The following FLNB variants were observed in gnomAD, a reference collection of about 807,000 sequenced individuals.
FLNB encodes filamin-B.
A neutral mutation model predicts 250.6 loss-of-function variants in FLNB; 111 were observed. The ratio of observed to expected loss-of-function variants is 0.44; its 90% CI spans 0.38 to 0.52. The LOEUF (loss-of-function observed/expected upper bound fraction) is 0.52, where lower values mean the gene tolerates loss of function less well. Ranked by LOEUF, FLNB falls within the 20% of genes least tolerant of loss-of-function variation. The pLI is 0.00. For synonymous variants in FLNB, 1,302 were observed against 1,372.1 expected (o/e 0.95, Z 1.13); for missense variants, 2,869 against 3,447.8 (o/e 0.83, Z 4.20).
At chr3:58,153,134 G>GTTT (rs2097347969) in intron 38 of FLNB, among the ~76,000 whole-genome samples, 1 of 152,212 alleles carries the variant, frequency 6.6e-6, no homozygotes, top group East Asian at 1.9e-4. Context: ...CATGATGGAT[G>GTTT]ACCACGTCAC....
intron 2 of FLNB, chr3:58,078,304 TA>T: frequency 6.9e-7 from 1 of 1,438,996 alleles, no homozygotes; most frequent in Non-Finnish European, 9.1e-7. Context: ...AAGATAATTC[TA>T]GGTTTGTGCC....
intron 42 of FLNB, 82 bp downstream of exon 42, chr3:58,159,768 G>C (rs981270055): frequency 4.1e-6 from 6 of 1,477,056 alleles, no homozygotes; most frequent in Non-Finnish European, 5.6e-6. Context: ...CCAAGGGAGG[G>C]CTGATCAGTT....
At chr3:58,150,406 T>A (rs568123772) in intron 38 of FLNB, 179 bp downstream of exon 38, 47 of 713,384 alleles carry the variant, frequency 6.6e-5, no homozygotes, top group African/African-American at 6.4e-4. Flanking sequence ...CAGAGTCTCA[T>A]CCAAGAAAAA....
intron 1 of FLNB, among the ~76,000 whole-genome samples, chr3:58,066,289 G>A (rs1410456862): frequency 6.8e-6 from 1 of 146,920 alleles, no homozygotes; most frequent in Non-Finnish European, 1.5e-5. Context: ...GCGAAATCTC[G>A]GCTCACCACA....
At chr3:58,019,310 C>T (rs2097110360) in intron 1 of FLNB, among the ~76,000 whole-genome samples, 1 of 152,216 alleles carries the variant, frequency 6.6e-6, no homozygotes, top group Admixed American at 6.5e-5. Context: ...GCCCCACTCC[C>T]TGTCTGTCCC....
chr3:58,038,748 T>C (rs2097141734), intron 1 of FLNB, among the ~76,000 whole-genome samples: 1 of 152,130 alleles, frequency 6.6e-6, no homozygotes, highest in Non-Finnish European at 1.5e-5. Context: ...GTTCTGCCCA[T>C]GCACCTCCTT....
At position 58,121,320 on chromosome 3, in the gene FLNB, C is replaced by A; in HGVS notation, c.2943C>A (p.Ile981=). 1 of 1,614,176 alleles carries A rather than the reference C, an allele frequency of 6.2e-7. No homozygotes were observed. The highest frequency in any genetic ancestry group is 8.5e-7 in the Non-Finnish European group (1 of 1,180,032). Residue 981 remains isoleucine, a synonymous_variant, in exon 20 of 46, where the codon ATC becomes ATA. Transcript: ENST00000295956. ...AGGQGKLDVT[I]LSPSRKVVPC... ...GCCAGGGGAAGCTGGACGTGACAATCCTCAGCCCCTCTCGGAAGGTCGTGC... is the reference window on the plus strand; with the variant it reads ...GCCAGGGGAAGCTGGACGTGACAATACTCAGCCCCTCTCGGAAGGTCGTGC...
At chr3:58,082,760 G>A (rs1024644922) in intron 4 of FLNB, among the ~76,000 whole-genome samples, 12 of 139,400 alleles carry the variant, frequency 8.6e-5, no homozygotes, top group African/African-American at 3.1e-4. Flanking sequence ...GACAGAGTGC[G>A]TGAGCCTCCG....
chr3:58,049,863 G>A (rs1476106029), intron 1 of FLNB, among the ~76,000 whole-genome samples: 1 of 152,142 alleles, frequency 6.6e-6, no homozygotes, highest in Non-Finnish European at 1.5e-5. Flanking sequence ...GGTAGTGTGA[G>A]AAAACGTGTA....
Position 58,148,346 on chromosome 3 carries a change from C to T in FLNB, c.5869C>T (p.Leu1957=). The part of the protein sequence containing the change: ...GRDEPCLLKR[L]PNNHIGISFI... ...AGACGAGCCCTGTCTCCTGAAGAGG[C>T]TGCCCAACAACCACATTGGTGAGCT... Residue 1957 remains leucine (L), a synonymous_variant, in exon 35 of 46, where the codon CTG becomes TTG. Coordinates refer to ENST00000295956, the MANE Select transcript of FLNB (RefSeq NM_001457.4). The T allele has an allele frequency of 4.3e-6, 7 of 1,613,806 alleles. No individual in the cohort carries two copies. Among genetic ancestry groups the T allele is most frequent in the Non-Finnish European group, 5.9e-6 (7 of 1,179,922 alleles).
chr3:58,166,295 T>C (rs372186620), intron 43 of FLNB, among the ~76,000 whole-genome samples: 108 of 152,290 alleles, frequency 7.1e-4, no homozygotes, highest in South Asian at 4.6e-3. Context: ...GGTCAAAATA[T>C]TGCATTAGGG....
Position 58,053,621 on chromosome 3 carries a change from C to T in FLNB, c.293-23425C>T, listed in dbSNP as rs370893922. On this transcript the variant is annotated intron_variant, in intron 1 of 45. Coordinates refer to ENST00000295956, the MANE Select transcript of FLNB (RefSeq NM_001457.4). ...GACTACAGACACCCACTACCATGCCCGGCTAATTTTTTTTTTATTTTTAGT... is the reference window on the plus strand; with the variant it reads ...GACTACAGACACCCACTACCATGCCTGGCTAATTTTTTTTTTATTTTTAGT... Among the ~76,000 whole-genome samples the T allele has an allele frequency of 8.6e-5, 13 of 152,014 alleles. No individual in the cohort carries two copies. The East Asian group carries it at 1.3e-3, about 16-fold the overall frequency.
chr3:58,065,010 AG>A (rs2097183557), intron 1 of FLNB, among the ~76,000 whole-genome samples: 1 of 152,144 alleles, frequency 6.6e-6, no homozygotes, highest in Non-Finnish European at 1.5e-5. Flanking sequence ...ACTGCACTCC[AG>A]CTTGGGTGAC....
At chr3:58,067,130 T>G (rs1051891173) in intron 1 of FLNB, among the ~76,000 whole-genome samples, 2 of 152,090 alleles carry the variant, frequency 1.3e-5, no homozygotes, top group African/African-American at 4.8e-5. Context: ...ATTGCTAATC[T>G]TCACTGCCTC....
chr3:58,067,137 C>G (rs2097186741), intron 1 of FLNB, among the ~76,000 whole-genome samples: 1 of 152,150 alleles, frequency 6.6e-6, no homozygotes, highest in Admixed American at 6.5e-5. Context: ...ATCTTCACTG[C>G]CTCCATTCTC....
chr3:58,123,900 CCT>C (rs767486712), intron 21 of FLNB, among the ~76,000 whole-genome samples: 3 of 152,048 alleles, frequency 2.0e-5, no homozygotes, highest in East Asian at 1.9e-4. Context: ...CTACTCAACC[CCT>C]GTTTTCTGTT....
At chr3:58,046,934 A>C (rs1424578431) in intron 1 of FLNB, among the ~76,000 whole-genome samples, 2 of 152,210 alleles carry the variant, frequency 1.3e-5, no homozygotes, top group Non-Finnish European at 2.9e-5. Context: ...AATGTTTTCA[A>C]GGTTCAGCCA....
intron 11 of FLNB, 28 bp downstream of exon 11, chr3:58,105,244 T>G: frequency 6.2e-7 from 1 of 1,614,016 alleles, no homozygotes; most frequent in Middle Eastern, 1.7e-4. Flanking sequence ...ACCAGCATCT[T>G]CTGGAGGACT....
At position 58,090,854 on chromosome 3, in the gene FLNB, G is replaced by A. The variant is rs1045055090; in HGVS notation, c.788-3982G>A. 4.6e-5 allele frequency among the ~76,000 whole-genome samples: 7 copies of A among 152,120 alleles called. 1 individual carries two copies. The highest frequency in any genetic ancestry group is 4.2e-4 in the South Asian group (2 of 4,782). ...TGGGAGGCCGAGGTGGGCGATGGGC[G>A]GATCATGAGGTCAGGAGATCAAGAC... On this transcript the variant is annotated intron_variant, in intron 4 of 45. Coordinates refer to ENST00000295956, the MANE Select transcript of FLNB (RefSeq NM_001457.4).
Sources: allele counts gnomAD v4.1 joint callset (sites outside exome capture counted in the v4.1 genomes callset), GRCh38; gene constraint gnomAD v4.1.1; transcripts MANE v1.5; gene names NCBI Gene and HGNC (gene_info 2026-07-23, HGNC 2026-07-21).